The following PDE4B variants were observed in gnomAD, a reference collection of about 807,000 sequenced individuals.
The protein encoded by PDE4B is 3',5'-cyclic-AMP phosphodiesterase 4B.
PDE4B carries 20 observed loss-of-function variants against 82.2 expected under a neutral mutation model. The ratio of observed to expected loss-of-function variants is 0.24; its 90% CI spans 0.17 to 0.35. The LOEUF (loss-of-function observed/expected upper bound fraction) is 0.35. PDE4B is among the 10% of genes least tolerant of loss of function. The probability of loss-of-function intolerance (pLI) is 1.00; values close to 1 mark genes in which losing one functional copy is unlikely to be tolerated. For synonymous variants in PDE4B, 320 were observed against 318.9 expected (o/e 1.00, Z -0.04); for missense variants, 655 against 907.2 (o/e 0.72, Z 3.57).
chr1:66,351,050 C>A (rs985790403), intron 8 of PDE4B, among the ~76,000 whole-genome samples: 1 of 152,130 alleles, frequency 6.6e-6, no homozygotes, highest in Non-Finnish European at 1.5e-5. Context: ...AGAAAATATA[C>A]CTTCTTCCCT....
At chr1:66,347,105 T>C (rs575768656) in intron 8 of PDE4B, among the ~76,000 whole-genome samples, 1 of 152,292 alleles carries the variant, frequency 6.6e-6, no homozygotes, top group Non-Finnish European at 1.5e-5. Context: ...CTGAGGTCAC[T>C]GGTAAGGCAA....
At chr1:66,033,507 T>C (rs1653905202) in intron 3 of PDE4B, among the ~76,000 whole-genome samples, 1 of 152,226 alleles carries the variant, frequency 6.6e-6, no homozygotes, top group African/African-American at 2.4e-5. Context: ...CCAGGACCAG[T>C]GCATGCTATT....
At chr1:65,923,010 C>T (rs190439131) in intron 3 of PDE4B, among the ~76,000 whole-genome samples, 1 of 152,052 alleles carries the variant, frequency 6.6e-6, no homozygotes, top group Admixed American at 6.6e-5. Context: ...CCAACCCCCT[C>T]CCCCACAAAA....
chr1:66,186,934 A>G (rs555516547), intron 3 of PDE4B, among the ~76,000 whole-genome samples: 1 of 152,254 alleles, frequency 6.6e-6, no homozygotes, highest in Admixed American at 6.5e-5. Context: ...GAATCCTTCC[A>G]GTTTGTGCCC....
chr1:66,314,473 C>T (rs370219017), intron 7 of PDE4B, among the ~76,000 whole-genome samples: 168 of 152,216 alleles, frequency 1.1e-3, no homozygotes, highest in African/African-American at 3.7e-3. Flanking sequence ...AGTACAGTGG[C>T]GTGATCTCGG....
chr1:65,948,649 G>T (rs746648176), intron 3 of PDE4B, among the ~76,000 whole-genome samples: 14 of 151,888 alleles, frequency 9.2e-5, no homozygotes, highest in Non-Finnish European at 1.9e-4. Context: ...ACACACCCAG[G>T]GTCAATACTT....
chr1:66,011,596 T>G (rs966177929), intron 3 of PDE4B, among the ~76,000 whole-genome samples: 1 of 152,082 alleles, frequency 6.6e-6, no homozygotes, highest in African/African-American at 2.4e-5. Flanking sequence ...CTCATCTCTT[T>G]GATGACAGAC....
At chr1:66,017,008 G>A (rs1414880425) in intron 3 of PDE4B, among the ~76,000 whole-genome samples, 1 of 152,174 alleles carries the variant, frequency 6.6e-6, no homozygotes, top group Non-Finnish European at 1.5e-5. Context: ...GAGTGTGGGT[G>A]GGATAAGGAG....
chr1:65,927,891 C>T (rs1274448918), intron 3 of PDE4B, among the ~76,000 whole-genome samples: 1 of 152,074 alleles, frequency 6.6e-6, no homozygotes, highest in Non-Finnish European at 1.5e-5. Flanking sequence ...GGGAAATGAC[C>T]ACAGGATGAG....
Position 66,257,845 on chromosome 1 carries a change from T to C in PDE4B, c.566T>C (p.Leu189Pro). The C allele has an allele frequency of 6.2e-7, 1 of 1,612,698 alleles. No individual in the cohort carries two copies. The highest frequency in any genetic ancestry group is 8.5e-7 in the Non-Finnish European group (1 of 1,178,786). ...AACAACTTCACTATACTGACAAACC[T>C]TCATGGTACATCTAACAAGTAAGGA... ...VRNNFTILTN[L>P]HGTSNKRSPA... The change falls in exon 6 of 17, where the codon CTT becomes CCT. Residue 189 changes from leucine to proline, a missense_variant. Physicochemically the swap from Leu to Pro is moderately conservative, Grantham distance 98 (BLOSUM62 -3). Coordinates refer to ENST00000341517, the MANE Select transcript of PDE4B (RefSeq NM_002600.4).
chr1:66,090,733 GTATA>G (rs1463229988), intron 3 of PDE4B, among the ~76,000 whole-genome samples: 10 of 55,552 alleles, frequency 1.8e-4, no homozygotes, highest in African/African-American at 6.1e-4. Flanking sequence ...GTATATGTAT[GTATA>G]TATACATATA....
chr1:65,814,388 T>C (rs932089246), intron 1 of PDE4B, among the ~76,000 whole-genome samples: 8 of 152,318 alleles, frequency 5.3e-5, no homozygotes, highest in East Asian at 3.9e-4. Flanking sequence ...GAATGTAATA[T>C]ATATATTCTT....
At position 66,268,667 on chromosome 1, in the gene PDE4B, CAAAAAAA is replaced by C. The variant is rs36046564; in HGVS notation, c.634+2598_634+2604del. ...CAGGTGACAGAGCAAGACTCCATCT[CAAAAAAA>C]AAAAAAAAAAAAAAAAAGAAAGAAA... On this transcript the variant is annotated intron_variant, in intron 7 of 16. Coordinates refer to ENST00000341517, the MANE Select transcript of PDE4B (RefSeq NM_002600.4). Among the ~76,000 whole-genome samples, 13 of 61,226 alleles carry C rather than the reference CAAAAAAA, an allele frequency of 2.1e-4. 1 individual carries two copies. The highest frequency in any genetic ancestry group is 1.4e-3 in the Admixed American group (6 of 4,308). The allele number at this position is 61,226 out of a possible 152,430, so 40.2% of individuals were successfully genotyped here. A position where few individuals can be genotyped will look rare whatever the true frequency, so the allele number is the denominator to read the frequency against.
rs185315000 is a variant in PDE4B, at chr1:66,190,795, C to T, written c.282-56665C>T. 2.5e-3 allele frequency among the ~76,000 whole-genome samples: 387 copies of T among 152,136 alleles called. 1 individual carries two copies. The highest frequency in any genetic ancestry group is 0.017 in the Middle Eastern group (5 of 294). ...GACTCCGTGGGCTTCCTGGGTGAGG[C>T]GATGCCTCACCCTGCTTTGGCTCAT... On this transcript the variant is annotated intron_variant, in intron 3 of 16. Coordinates refer to ENST00000341517, the MANE Select transcript of PDE4B (RefSeq NM_002600.4).
chr1:66,145,481 G>C (rs185791484), intron 3 of PDE4B, among the ~76,000 whole-genome samples: 1 of 152,248 alleles, frequency 6.6e-6, no homozygotes, highest in East Asian at 1.9e-4. Context: ...AAGTTCCCAG[G>C]TATATAACTG....
chr1:65,825,347 A>G (rs1469731672), intron 1 of PDE4B, among the ~76,000 whole-genome samples: 1 of 152,226 alleles, frequency 6.6e-6, no homozygotes, highest in Non-Finnish European at 1.5e-5. Flanking sequence ...AAGGATGGAA[A>G]GAGACTGGTT....
intron 3 of PDE4B, among the ~76,000 whole-genome samples, chr1:66,117,612 A>G (rs537854337): frequency 6.6e-6 from 1 of 152,202 alleles, no homozygotes; most frequent in South Asian, 2.1e-4. Context: ...TATGTTCCTC[A>G]TAATACCCAG....
At chr1:66,316,318 A>G (rs1425815255) in intron 7 of PDE4B, among the ~76,000 whole-genome samples, 1 of 152,246 alleles carries the variant, frequency 6.6e-6, no homozygotes, top group Non-Finnish European at 1.5e-5. Flanking sequence ...AAATCTTCCA[A>G]ACTAGATAAC....
intron 3 of PDE4B, among the ~76,000 whole-genome samples, chr1:66,086,165 T>G (rs1191268859): frequency 6.6e-6 from 1 of 152,070 alleles, no homozygotes; most frequent in African/African-American, 2.4e-5. Flanking sequence ...ACCAGGGTAA[T>G]GAAAAACACC....
Sources: allele counts gnomAD v4.1 joint callset (sites outside exome capture counted in the v4.1 genomes callset), GRCh38; gene constraint gnomAD v4.1.1; transcripts MANE v1.5; gene names NCBI Gene and HGNC (gene_info 2026-07-23, HGNC 2026-07-21).